LOC128092252: variants seen among roughly 807,000 people sequenced by gnomAD.
At chr15:50,681,225 TG>T in the LOC128092252 span, among the ~76,000 whole-genome samples, 2 of 150,778 alleles carry the variant, frequency 1.3e-5, no homozygotes, top group Admixed American at 1.3e-4. Context: ...CACTTCAGCC[TG>T]GATGACCGAG....
the LOC128092252 span, among the ~76,000 whole-genome samples, chr15:50,651,791 G>A: frequency 6.6e-6 from 1 of 152,086 alleles, no homozygotes; most frequent in Non-Finnish European, 1.5e-5. Context: ...TCGGGAGGCT[G>A]AGGCAGAATT....
the LOC128092252 span, among the ~76,000 whole-genome samples, chr15:50,677,470 G>A: frequency 1.3e-5 from 2 of 152,050 alleles, no homozygotes; most frequent in African/African-American, 4.8e-5. Context: ...GCTGGGCGTG[G>A]TGGCTCACAC....
the LOC128092252 span, among the ~76,000 whole-genome samples, chr15:50,685,910 C>T: frequency 6.6e-6 from 1 of 152,144 alleles, no homozygotes; most frequent in African/African-American, 2.4e-5. Context: ...CCTCCCCCCA[C>T]CCACCAAAAT....
the LOC128092252 span, among the ~76,000 whole-genome samples, chr15:50,666,869 A>C: frequency 3.3e-5 from 5 of 152,194 alleles, no homozygotes; most frequent in Non-Finnish European, 7.3e-5. Context: ...ATACAAGGTA[A>C]TTGAAAGATA....
chr15:50,664,559 A>G, the LOC128092252 span, among the ~76,000 whole-genome samples: 13 of 152,186 alleles, frequency 8.5e-5, no homozygotes, highest in African/African-American at 3.1e-4. Flanking sequence ...AATATGATTA[A>G]CCAAATAAAA....
the LOC128092252 span, among the ~76,000 whole-genome samples, chr15:50,670,000 T>C: frequency 9.2e-5 from 14 of 152,318 alleles, no homozygotes; most frequent in South Asian, 2.1e-4. Context: ...AGGATAAGCT[T>C]ACTGAATGTT....
the LOC128092252 span, among the ~76,000 whole-genome samples, chr15:50,649,834 A>C: frequency 6.6e-6 from 1 of 152,112 alleles, no homozygotes. Context: ...TAGAAAACAA[A>C]AAGAGGAGGG....
At chr15:50,679,016 G>A in the LOC128092252 span, among the ~76,000 whole-genome samples, 3 of 152,260 alleles carry the variant, frequency 2.0e-5, no homozygotes, top group African/African-American at 7.2e-5. Flanking sequence ...TGGGACTACA[G>A]GTGCGTGCCA....
chr15:50,670,135 T>C, the LOC128092252 span, among the ~76,000 whole-genome samples: 2 of 152,086 alleles, frequency 1.3e-5, no homozygotes, highest in Admixed American at 6.6e-5. Flanking sequence ...GAGACCTTAA[T>C]AGTTAGGCAG....
chr15:50,677,422 C>T, the LOC128092252 span, among the ~76,000 whole-genome samples: 2 of 152,132 alleles, frequency 1.3e-5, no homozygotes, highest in African/African-American at 4.8e-5. Flanking sequence ...CAACAACACA[C>T]ACACACACAG....
At chr15:50,685,006 T>A in the LOC128092252 span, among the ~76,000 whole-genome samples, 1 of 152,366 alleles carries the variant, frequency 6.6e-6, no homozygotes, top group Non-Finnish European at 1.5e-5. Context: ...TTTTTAGACA[T>A]AAACACAATA....
chr15:50,676,232 T>C, the LOC128092252 span, among the ~76,000 whole-genome samples: 2 of 152,152 alleles, frequency 1.3e-5, no homozygotes, highest in Non-Finnish European at 2.9e-5. Context: ...TAGATGCTGC[T>C]AGCAAAAATT....
At chr15:50,686,319 G>A in the LOC128092252 span, among the ~76,000 whole-genome samples, 3,009 of 152,288 alleles carry the variant, frequency 0.02, 115 homozygotes, top group African/African-American at 0.069. Flanking sequence ...CCCGCGAAGA[G>A]GTGTCGCCTC....
At chr15:50,663,585 C>T in the LOC128092252 span, among the ~76,000 whole-genome samples, 1 of 151,652 alleles carries the variant, frequency 6.6e-6, no homozygotes, top group Admixed American at 6.6e-5. Context: ...TTCAAATAGT[C>T]AAACAGGAGG....
At chr15:50,660,196 T>A in the LOC128092252 span, among the ~76,000 whole-genome samples, 1 of 152,092 alleles carries the variant, frequency 6.6e-6, no homozygotes, top group African/African-American at 2.4e-5. Context: ...AATCATAGAC[T>A]CTAATGATTG....
chr15:50,674,864 C>T, the LOC128092252 span, among the ~76,000 whole-genome samples: 1 of 152,178 alleles, frequency 6.6e-6, no homozygotes. Context: ...ATCCCCTCTA[C>T]TACATCCCAT....
chr15:50,664,410 A>C, the LOC128092252 span, among the ~76,000 whole-genome samples: 1 of 152,172 alleles, frequency 6.6e-6, no homozygotes, highest in Non-Finnish European at 1.5e-5. Context: ...TGGAATGGTT[A>C]ATGATACAGG....
chr15:50,683,132 C>T, the LOC128092252 span, among the ~76,000 whole-genome samples: 1 of 151,800 alleles, frequency 6.6e-6, no homozygotes, highest in Non-Finnish European at 1.5e-5. Flanking sequence ...AAGGGATCCA[C>T]CCGCCTCAGT....
the LOC128092252 span, among the ~76,000 whole-genome samples, chr15:50,663,377 C>T: frequency 1.2e-4 from 19 of 152,198 alleles, no homozygotes; most frequent in Non-Finnish European, 2.2e-4. Flanking sequence ...CTGCCTGCCT[C>T]GGCCTCCCAA....
Sources: allele counts gnomAD v4.1 joint callset (sites outside exome capture counted in the v4.1 genomes callset), GRCh38; gene constraint gnomAD v4.1.1; transcripts MANE v1.5.